The following FAF1 variants were observed in gnomAD, a reference collection of about 807,000 sequenced individuals.
FAF1 encodes the protein FAS-associated factor 1.
A neutral mutation model predicts 92.5 loss-of-function variants in FAF1; 25 were observed. The ratio of observed to expected loss-of-function variants is 0.27; its 90% CI spans 0.20 to 0.38. The LOEUF is 0.38. Among genes scored for constraint, FAF1 ranks in the 10% least tolerant of loss-of-function variants. The pLI is 1.00. For synonymous variants in FAF1, 234 were observed against 273.2 expected (o/e 0.86, Z 1.42); for missense variants, 636 against 793.3 (o/e 0.80, Z 2.38).
chr1:50,553,105 A>G (rs1649389774), intron 13 of FAF1, among the ~76,000 whole-genome samples: 1 of 152,184 alleles, frequency 6.6e-6, no homozygotes, highest in Non-Finnish European at 1.5e-5. Flanking sequence ...GAGGAATATG[A>G]AAACTGGATA....
At chr1:50,710,695 C>T (rs1261484509) in intron 6 of FAF1, among the ~76,000 whole-genome samples, 7 of 151,576 alleles carry the variant, frequency 4.6e-5, no homozygotes, top group Non-Finnish European at 8.8e-5. Context: ...CTCTGCCTCC[C>T]GGGTTCAAGC....
At chr1:50,478,893 A>T (rs1012229069) in intron 17 of FAF1, among the ~76,000 whole-genome samples, 2 of 152,214 alleles carry the variant, frequency 1.3e-5, no homozygotes, top group African/African-American at 4.8e-5. Context: ...TAACATACAT[A>T]TGAAAAAGTG....
At chr1:50,563,924 C>T (rs1228861831) in intron 13 of FAF1, among the ~76,000 whole-genome samples, 1 of 152,158 alleles carries the variant, frequency 6.6e-6, no homozygotes, top group Non-Finnish European at 1.5e-5. Flanking sequence ...TCCAAATCAT[C>T]AACATCACAG....
intron 8 of FAF1, among the ~76,000 whole-genome samples, chr1:50,628,858 C>A (rs1007646958): frequency 1.3e-5 from 2 of 152,188 alleles, no homozygotes; most frequent in African/African-American, 2.4e-5. Flanking sequence ...CATCCTGTCA[C>A]TGATCTTCTA....
intron 8 of FAF1, among the ~76,000 whole-genome samples, chr1:50,626,580 C>G (rs773489984): frequency 6.6e-6 from 1 of 152,080 alleles, no homozygotes; most frequent in Non-Finnish European, 1.5e-5. Flanking sequence ...AAGAAGTAAG[C>G]AAGAAGTAAG....
chr1:50,942,475 A>AAAGGG (rs1047595489), intron 1 of FAF1, among the ~76,000 whole-genome samples: 1 of 152,040 alleles, frequency 6.6e-6, no homozygotes, highest in South Asian at 2.1e-4. Context: ...AAGGGAGGGG[A>AAAGGG]AAGGGAAGGG....
In FAF1 at chr1:50,477,875, T is replaced by C. The variant is rs545063102; in HGVS notation, c.1654-2196A>G. 2.6e-5 allele frequency among the ~76,000 whole-genome samples: 4 copies of C among 152,296 alleles called. No individual in the cohort carries two copies. The East Asian group carries it at 7.7e-4, about 29-fold the overall frequency. ...GAATAAACTAACATGCTAACTGAAA[T>C]AATATATGTAAAAGTGCTTAGTATG... On this transcript the variant is annotated intron_variant, in intron 17 of 18. Coordinates refer to ENST00000396153, the MANE Select transcript of FAF1 (RefSeq NM_007051.3).
chr1:50,811,382 C>T (rs760899749), intron 2 of FAF1, among the ~76,000 whole-genome samples: 1 of 151,972 alleles, frequency 6.6e-6, no homozygotes, highest in African/African-American at 2.4e-5. Context: ...AACCAATATA[C>T]AAAAATTAGT....
At chr1:50,487,361 G>C (rs751875163) in intron 17 of FAF1, among the ~76,000 whole-genome samples, 4 of 152,166 alleles carry the variant, frequency 2.6e-5, no homozygotes, top group Non-Finnish European at 5.9e-5. Flanking sequence ...TTTGGTGCTT[G>C]TGCTAGATTA....
chr1:50,665,728 A>C (rs548788473), intron 7 of FAF1, among the ~76,000 whole-genome samples: 66 of 152,206 alleles, frequency 4.3e-4, no homozygotes, highest in Non-Finnish European at 4.0e-4. Flanking sequence ...CCCAGAAAAA[A>C]ATTTGCTGAC....
chr1:50,498,410 T>C (rs773787230), intron 15 of FAF1, among the ~76,000 whole-genome samples: 1 of 152,124 alleles, frequency 6.6e-6, no homozygotes, highest in African/African-American at 2.4e-5. Context: ...GAAATTACAC[T>C]TCATCAAAAT....
intron 15 of FAF1, among the ~76,000 whole-genome samples, chr1:50,519,191 G>A (rs992262340): frequency 5.3e-5 from 8 of 152,020 alleles, no homozygotes; most frequent in Non-Finnish European, 8.8e-5. Flanking sequence ...TTAGCCAGGT[G>A]TAGTGGTGGG....
At chr1:50,696,766 C>T (rs1055964316) in intron 7 of FAF1, among the ~76,000 whole-genome samples, 16 of 152,072 alleles carry the variant, frequency 1.1e-4, no homozygotes, top group Admixed American at 2.0e-4. Flanking sequence ...TCTTTCCTCA[C>T]GCTTCCTTCA....
At chr1:50,868,553 T>C (rs575304800) in intron 1 of FAF1, among the ~76,000 whole-genome samples, 6 of 152,318 alleles carry the variant, frequency 3.9e-5, no homozygotes, top group Admixed American at 3.9e-4. Flanking sequence ...GCTGTAAATT[T>C]ACCTCTAGGC....
intron 1 of FAF1, among the ~76,000 whole-genome samples, chr1:50,861,409 G>A (rs1644431410): frequency 6.6e-6 from 1 of 151,748 alleles, no homozygotes; most frequent in Admixed American, 6.6e-5. Flanking sequence ...GCCCTTACAT[G>A]GATGAATCTG....
intron 15 of FAF1, among the ~76,000 whole-genome samples, chr1:50,529,188 T>C (rs1162551774): frequency 1.3e-5 from 2 of 152,218 alleles, no homozygotes. Flanking sequence ...TTATTTATTA[T>C]ACTATATTCA....
At chr1:50,804,495 G>A (rs986029125) in intron 2 of FAF1, among the ~76,000 whole-genome samples, 14 of 152,074 alleles carry the variant, frequency 9.2e-5, no homozygotes, top group African/African-American at 3.1e-4. Context: ...AGGCAAAGAA[G>A]AAACTATAAG....
intron 15 of FAF1, among the ~76,000 whole-genome samples, chr1:50,510,891 A>T (rs1296285478): frequency 6.6e-6 from 1 of 152,144 alleles, no homozygotes; most frequent in Non-Finnish European, 1.5e-5. Flanking sequence ...TTATTAGTCT[A>T]TTTTTTAACT....
chr1:50,712,224 T>G (rs1390022219), intron 6 of FAF1, among the ~76,000 whole-genome samples: 3 of 152,220 alleles, frequency 2.0e-5, no homozygotes, highest in Non-Finnish European at 4.4e-5. Flanking sequence ...ATACTGATTT[T>G]CCTAAGGTGC....
Sources: allele counts gnomAD v4.1 joint callset (sites outside exome capture counted in the v4.1 genomes callset), GRCh38; gene constraint gnomAD v4.1.1; transcripts MANE v1.5; gene names NCBI Gene and HGNC (gene_info 2026-07-23, HGNC 2026-07-21).